Variants in AKT3 observed in about 807,000 individuals in gnomAD.
AKT3 encodes RAC-gamma serine/threonine-protein kinase.
A neutral mutation model predicts 65.3 loss-of-function variants in AKT3; 15 were observed. That is an observed-to-expected ratio of 0.23 (90% CI 0.15 to 0.35). AKT3 has a LOEUF of 0.35. Ranked by LOEUF, AKT3 falls within the 10% of genes least tolerant of loss-of-function variation. AKT3 has a pLI of 1.00. For synonymous variants in AKT3, 206 were observed against 183.8 expected, an observed-to-expected ratio of 1.12 and a Z score of -0.98; for missense variants, 243 against 576.5, an observed-to-expected ratio of 0.42 and a Z score of 5.92.
intron 6 of AKT3, among the ~76,000 whole-genome samples, chr1:243,632,539 G>T (rs1679684461): frequency 6.6e-6 from 1 of 152,172 alleles, no homozygotes; most frequent in Admixed American, 6.5e-5. Context: ...AGGGCCCTAG[G>T]ATTTTTGAAA....
intron 13 of AKT3, among the ~76,000 whole-genome samples, chr1:243,508,355 C>T (rs375565270): frequency 4.7e-4 from 71 of 152,352 alleles, no homozygotes; most frequent in East Asian, 1.2e-3. Flanking sequence ...CAGTGCTGAG[C>T]GCTGCGCTCT....
chr1:243,821,070 A>G (rs1350599879), intron 2 of AKT3, among the ~76,000 whole-genome samples: 1 of 152,208 alleles, frequency 6.6e-6, no homozygotes, highest in Non-Finnish European at 1.5e-5. Context: ...AGCCCATCAG[A>G]CAAACAGCAG....
intron 10 of AKT3, among the ~76,000 whole-genome samples, chr1:243,559,771 G>T (rs560131158): frequency 6.6e-6 from 1 of 152,098 alleles, no homozygotes; most frequent in African/African-American, 2.4e-5. Context: ...GGAAAATGTT[G>T]ACAGTGAGTC....
At chr1:243,738,546 TA>T (rs1687969181) in intron 2 of AKT3, among the ~76,000 whole-genome samples, 1 of 152,186 alleles carries the variant, frequency 6.6e-6, no homozygotes, top group Non-Finnish European at 1.5e-5. Flanking sequence ...AGCTTCATCT[TA>T]AAGAAAATGT....
chr1:243,626,660 C>G (rs913640511), intron 6 of AKT3, among the ~76,000 whole-genome samples: 1 of 152,100 alleles, frequency 6.6e-6, no homozygotes, highest in Non-Finnish European at 1.5e-5. Flanking sequence ...TCCAGGGGTT[C>G]CTGACATAGA....
chr1:243,712,299 G>A (rs1468116427), intron 2 of AKT3, among the ~76,000 whole-genome samples: 2 of 152,034 alleles, frequency 1.3e-5, no homozygotes, highest in African/African-American at 4.8e-5. Flanking sequence ...AAAAACTGAC[G>A]GTGAGAGAGA....
chr1:243,753,361 T>C (rs1688927840), intron 2 of AKT3, among the ~76,000 whole-genome samples: 1 of 152,182 alleles, frequency 6.6e-6, no homozygotes, highest in Non-Finnish European at 1.5e-5. Flanking sequence ...AGATTAGCAC[T>C]AACCTAAAAG....
At chr1:243,757,533 G>A (rs1441947086) in intron 2 of AKT3, among the ~76,000 whole-genome samples, 1 of 152,060 alleles carries the variant, frequency 6.6e-6, no homozygotes. Flanking sequence ...CAGGAGAATC[G>A]CTTGAACCCG....
At chr1:243,711,505 A>G (rs1042584419) in intron 2 of AKT3, among the ~76,000 whole-genome samples, 3 of 152,206 alleles carry the variant, frequency 2.0e-5, no homozygotes, top group African/African-American at 7.2e-5. Context: ...GTTCCAAGAA[A>G]CAACCTTCTA....
chr1:243,844,151 T>C (rs1389161149), intron 1 of AKT3, among the ~76,000 whole-genome samples: 1 of 152,176 alleles, frequency 6.6e-6, no homozygotes, highest in East Asian at 1.9e-4. Flanking sequence ...CCAAGAACTG[T>C]TACGGGTACT....
chr1:243,544,693 TTTTTG>T (rs1426614669), intron 12 of AKT3, among the ~76,000 whole-genome samples: 1 of 63,200 alleles, frequency 1.6e-5, no homozygotes, highest in African/African-American at 3.5e-5. Flanking sequence ...TAGTAGTGGT[TTTTTG>T]TTTTTTGTTT....
chr1:243,575,380 T>C (rs1674863965), intron 8 of AKT3, among the ~76,000 whole-genome samples: 1 of 152,190 alleles, frequency 6.6e-6, no homozygotes, highest in African/African-American at 2.4e-5. Flanking sequence ...GGGAATACAG[T>C]GATAAGACAG....
rs557376870 is a variant in AKT3, at chr1:243,767,394, C to T, written c.47-71678G>A. Among the ~76,000 whole-genome samples the T allele has an allele frequency of 2.6e-5, 4 of 152,120 alleles. No homozygotes were observed. The South Asian group carries it at 8.3e-4, about 32-fold the overall frequency. ...AAGAGTTTTATCATGCCTATGGTTT[C>T]GTTGATCATAATTAATCACAAAGAT... On this transcript the variant is annotated intron_variant, in intron 2 of 13. Coordinates refer to ENST00000673466, the MANE Select transcript of AKT3 (RefSeq NM_005465.7).
intron 12 of AKT3, among the ~76,000 whole-genome samples, chr1:243,529,897 C>G (rs537662626): frequency 6.6e-6 from 1 of 152,118 alleles, no homozygotes; most frequent in East Asian, 1.9e-4. Context: ...GGCAGTATGG[C>G]CATTTCAACA....
chr1:243,752,987 A>C (rs1486702850), intron 2 of AKT3, among the ~76,000 whole-genome samples: 2 of 152,148 alleles, frequency 1.3e-5, no homozygotes, highest in Admixed American at 1.3e-4. Flanking sequence ...CCCAATACAT[A>C]GTCTTTTCCT....
chr1:243,644,904 G>C (rs940713540), intron 5 of AKT3, among the ~76,000 whole-genome samples: 12 of 152,152 alleles, frequency 7.9e-5, no homozygotes, highest in African/African-American at 2.9e-4. Context: ...TAAAAGAAAA[G>C]AGGGATTCAG....
intron 2 of AKT3, among the ~76,000 whole-genome samples, chr1:243,736,853 C>G (rs1687876002): frequency 6.6e-6 from 1 of 152,152 alleles, no homozygotes; most frequent in African/African-American, 2.4e-5. Flanking sequence ...TTCTTTCCAC[C>G]TTCCCAACAG....
intron 2 of AKT3, among the ~76,000 whole-genome samples, chr1:243,783,453 TACCTC>T (rs1184177517): frequency 2.6e-5 from 4 of 152,184 alleles, no homozygotes; most frequent in Admixed American, 2.6e-4. Context: ...GCCCCTTCTG[TACCTC>T]ACCCTATATC....
At chr1:243,584,309 A>C (rs1156837488) in intron 8 of AKT3, among the ~76,000 whole-genome samples, 3 of 152,158 alleles carry the variant, frequency 2.0e-5, no homozygotes, top group Admixed American at 2.0e-4. Flanking sequence ...TCCAAAACTG[A>C]GTCAGTAATA....
Sources: allele counts gnomAD v4.1 joint callset (sites outside exome capture counted in the v4.1 genomes callset), GRCh38; gene constraint gnomAD v4.1.1; transcripts MANE v1.5; gene names NCBI Gene and HGNC (gene_info 2026-07-23, HGNC 2026-07-21).